The following SEPTIN14 variants were observed in gnomAD, a reference collection of about 807,000 sequenced individuals.
SEPTIN14 encodes the protein septin 14, also known as septin-14.
SEPTIN14 carries 40 observed loss-of-function variants against 53.6 expected under a neutral mutation model. The observed-to-expected ratio is 0.75, with a 90% CI of 0.58 to 0.97. The LOEUF (loss-of-function observed/expected upper bound fraction) is 0.97, where lower values mean the gene tolerates loss of function less well. SEPTIN14 is among the 50% of genes least tolerant of loss of function. The pLI is 0.00. For synonymous variants in SEPTIN14, 138 were observed against 166.8 expected, an observed-to-expected ratio of 0.83 and a Z score of 1.33; for missense variants, 471 against 508.2, an observed-to-expected ratio of 0.93 and a Z score of 0.70.
chr7:55,846,064 A>T (rs866675591), intron 3 of SEPTIN14, among the ~76,000 whole-genome samples: 334 of 7,386 alleles, frequency 0.045, 30 homozygotes, highest in Middle Eastern at 0.19. Context: ...AAAAAAAAAA[A>T]GTATATATAT....
At chr7:55,856,121 A>C (rs1477792961) in intron 2 of SEPTIN14, among the ~76,000 whole-genome samples, 1 of 152,006 alleles carries the variant, frequency 6.6e-6, no homozygotes, top group Non-Finnish European at 1.5e-5. Context: ...ATAGTACTCA[A>C]TAGGTAGATT....
At chr7:55,848,507 G>A (rs548505520) in intron 2 of SEPTIN14, among the ~76,000 whole-genome samples, 28 of 151,964 alleles carry the variant, frequency 1.8e-4, no homozygotes, top group African/African-American at 6.5e-4. Flanking sequence ...ATGTTGCTTG[G>A]GCTGGTCTTG....
chr7:55,797,356 A>G (rs1286076974), intron 9 of SEPTIN14, among the ~76,000 whole-genome samples: 1 of 152,238 alleles, frequency 6.6e-6, no homozygotes, highest in Admixed American at 6.5e-5. Context: ...CCAAGTCACA[A>G]TATAATCAAA....
At chr7:55,813,195 C>T (rs1339746110) in intron 7 of SEPTIN14, among the ~76,000 whole-genome samples, 2 of 152,104 alleles carry the variant, frequency 1.3e-5, no homozygotes, top group Middle Eastern at 3.2e-3. Flanking sequence ...GGTGATCCAC[C>T]CGCCTTGGCC....
chr7:55,852,436 G>T (rs554134866), intron 2 of SEPTIN14, among the ~76,000 whole-genome samples: 2 of 152,234 alleles, frequency 1.3e-5, no homozygotes, highest in South Asian at 2.1e-4. Flanking sequence ...ATACAGTGGG[G>T]AAAGAAGAGT....
chr7:55,860,255 G>C (rs1362404452), intron 2 of SEPTIN14, among the ~76,000 whole-genome samples: 1 of 151,724 alleles, frequency 6.6e-6, no homozygotes, highest in African/African-American at 2.4e-5. Context: ...GATGGAACTA[G>C]AGGTCATTAT....
intron 9 of SEPTIN14, among the ~76,000 whole-genome samples, chr7:55,801,594 A>G (rs1208279608): frequency 6.6e-6 from 1 of 152,182 alleles, no homozygotes; most frequent in Non-Finnish European, 1.5e-5. Context: ...GTACTAGGTG[A>G]CTTTACTGGG....
At chr7:55,861,042 G>A (rs751873498) in intron 2 of SEPTIN14, among the ~76,000 whole-genome samples, 1 of 152,176 alleles carries the variant, frequency 6.6e-6, no homozygotes, top group Non-Finnish European at 1.5e-5. Context: ...TGACTAATTG[G>A]CTTTTGGGAT....
chr7:55,830,321 GTATA>G (rs746498199), intron 6 of SEPTIN14, among the ~76,000 whole-genome samples: 3,632 of 83,800 alleles, frequency 0.043, 326 homozygotes, highest in Middle Eastern at 0.098. Context: ...TTATCCAACT[GTATA>G]TATATATATA....
chr7:55,805,045 G>A (rs1788590019), intron 9 of SEPTIN14, among the ~76,000 whole-genome samples: 1 of 151,632 alleles, frequency 6.6e-6, no homozygotes, highest in Non-Finnish European at 1.5e-5. Flanking sequence ...TTATCTTCAG[G>A]GTTATTTAAA....
intron 7 of SEPTIN14, among the ~76,000 whole-genome samples, chr7:55,809,653 G>C (rs1037231370): frequency 6.6e-6 from 1 of 150,808 alleles, no homozygotes; most frequent in African/African-American, 2.4e-5. Flanking sequence ...CACTGCTCCA[G>C]CCAGTACTAT....
rs575667823 is a variant in SEPTIN14 at position 55,822,774 on chromosome 7, G to A, written c.721-3551C>T. Among the ~76,000 whole-genome samples, 71 of 147,342 alleles carry A rather than the reference G, an allele frequency of 4.8e-4. 1 individual carries two copies. Among genetic ancestry groups the A allele is most frequent in the South Asian group, 2.6e-3 (12 of 4,668 alleles). On this transcript the variant is annotated intron_variant, in intron 6 of 9. Transcript: ENST00000388975. ...ATTGGATCATAGGCCTAAATGTAAA[G>A]CATAAAACAATAAAATTCCTAGAAG...
intron 5 of SEPTIN14, among the ~76,000 whole-genome samples, chr7:55,839,908 G>A (rs1789278050): frequency 6.6e-6 from 1 of 152,086 alleles, no homozygotes; most frequent in Admixed American, 6.6e-5. Flanking sequence ...ACTTTGGGAG[G>A]CCGAGGTGGG....
chr7:55,817,399 A>G (rs972529593), intron 7 of SEPTIN14, among the ~76,000 whole-genome samples: 1 of 151,984 alleles, frequency 6.6e-6, no homozygotes, highest in African/African-American at 2.4e-5. Flanking sequence ...AATTTTAGTT[A>G]GGTAAGAACA....
chr7:55,834,729 G>A (rs757292026), intron 5 of SEPTIN14, 143 bp from the exon 6 acceptor site: 62 of 567,420 alleles, frequency 1.1e-4, no homozygotes, highest in Non-Finnish European at 1.7e-4. Context: ...TGCAAGCTCC[G>A]CCTCCTGGGT....
chr7:55,858,810 A>C (rs1170467071), intron 2 of SEPTIN14, among the ~76,000 whole-genome samples: 2 of 151,918 alleles, frequency 1.3e-5, no homozygotes, highest in Non-Finnish European at 2.9e-5. Flanking sequence ...ATCCCCCGCC[A>C]AAAAAAGCCC....
chr7:55,800,709 G>A (rs1788511059), intron 9 of SEPTIN14, among the ~76,000 whole-genome samples: 2 of 152,046 alleles, frequency 1.3e-5, no homozygotes, highest in African/African-American at 4.8e-5. Context: ...GTGGGGGGAA[G>A]TGAGGACATT....
At chr7:55,804,153 A>C (rs1384624056) in intron 9 of SEPTIN14, among the ~76,000 whole-genome samples, 1 of 149,220 alleles carries the variant, frequency 6.7e-6, no homozygotes, top group Non-Finnish European at 1.5e-5. Flanking sequence ...AAAAAAAAAA[A>C]AAAAAAGTCT....
chr7:55,813,712 G>C (rs1331985593), intron 7 of SEPTIN14, among the ~76,000 whole-genome samples: 1 of 152,168 alleles, frequency 6.6e-6, no homozygotes, highest in Non-Finnish European at 1.5e-5. Flanking sequence ...TAGCAGCTCA[G>C]CCACAGTAAA....
Sources: allele counts gnomAD v4.1 joint callset (sites outside exome capture counted in the v4.1 genomes callset), GRCh38; gene constraint gnomAD v4.1.1; transcripts MANE v1.5; gene names NCBI Gene and HGNC (gene_info 2026-07-23, HGNC 2026-07-21).